The following ST6GAL1 variants were observed in gnomAD, a reference collection of about 807,000 sequenced individuals.
ST6GAL1 encodes ST6 beta-galactoside alpha-2,6-sialyltransferase 1.
ST6GAL1 carries 20 observed loss-of-function variants against 38.0 expected under a neutral mutation model. The ratio of observed to expected loss-of-function variants is 0.53; its 90% CI spans 0.37 to 0.77. The LOEUF (loss-of-function observed/expected upper bound fraction) is 0.77. ST6GAL1 is among the 30% of genes least tolerant of loss of function. ST6GAL1 has a pLI of 0.00. For missense variants in ST6GAL1, 432 were observed against 496.4 expected (o/e 0.87, Z 1.23); for synonymous variants, 196 against 188.2 (o/e 1.04, Z -0.34).
At chr3:187,072,657 C>T (rs115713389) in intron 5 of ST6GAL1, 192 bp from the exon 6 acceptor site, 17 of 594,940 alleles carry the variant, frequency 2.9e-5, no homozygotes, top group African/African-American at 2.4e-4. Flanking sequence ...TGATAAATGT[C>T]CTTTCAGGTC....
At chr3:186,995,215 A>G (rs1326817262) in intron 2 of ST6GAL1, among the ~76,000 whole-genome samples, 3 of 151,942 alleles carry the variant, frequency 2.0e-5, no homozygotes, top group Non-Finnish European at 4.4e-5. Context: ...GACCTTTAAG[A>G]TTGTTAAAAT....
rs1415459413 is a variant in ST6GAL1 at position 187,076,978 on chromosome 3, T to TTTG, written c.*1177_*1178insGTT. ...AAATCTTCTCCTAACCACCATCTGT[T>TTTG]TTTTTTTTTTAAAGCATTTTTTGCT... On this transcript the variant is annotated 3_prime_UTR_variant, in exon 8 of 8. Transcript: ENST00000169298. 2 of 396,896 alleles carry TTTG rather than the reference T, an allele frequency of 5.0e-6. No homozygotes were observed. Among genetic ancestry groups the TTTG allele is most frequent in the Admixed American group, 4.4e-5 (1 of 22,560 alleles). The allele number at this position is 396,896 out of a possible 1,614,324, so 24.6% of individuals were successfully genotyped here.
chr3:187,029,334 CTT>C (rs1717659992), intron 2 of ST6GAL1, among the ~76,000 whole-genome samples: 1 of 151,926 alleles, frequency 6.6e-6, no homozygotes, highest in African/African-American at 2.4e-5. Context: ...TCTAGAACAA[CTT>C]TCTTAAGTAA....
At chr3:187,069,895 T>C (rs1719302917) in intron 5 of ST6GAL1, among the ~76,000 whole-genome samples, 1 of 152,210 alleles carries the variant, frequency 6.6e-6, no homozygotes, top group African/African-American at 2.4e-5. Flanking sequence ...TGCATTTCTC[T>C]CTCATGCAAA....
At chr3:187,073,554 T>G (rs368620142) in intron 6 of ST6GAL1, 1 of 155,602 alleles carries the variant, frequency 6.4e-6, no homozygotes, top group African/African-American at 2.4e-5. Context: ...GGAATAGTCC[T>G]CTCACTGTTA....
At chr3:186,984,439 G>A (rs902984688) in intron 2 of ST6GAL1, among the ~76,000 whole-genome samples, 2 of 152,088 alleles carry the variant, frequency 1.3e-5, no homozygotes, top group Non-Finnish European at 2.9e-5. Context: ...GCCCTGCCCA[G>A]ACTCCTCCAC....
chr3:186,941,421 T>G (rs1172013553), intron 1 of ST6GAL1, among the ~76,000 whole-genome samples: 2 of 152,140 alleles, frequency 1.3e-5, no homozygotes, highest in East Asian at 3.8e-4. Flanking sequence ...AATTGGCTAC[T>G]TGGATGACAG....
chr3:186,978,431 C>T (rs576480345), intron 2 of ST6GAL1, among the ~76,000 whole-genome samples: 3 of 152,268 alleles, frequency 2.0e-5, no homozygotes, highest in South Asian at 2.1e-4. Context: ...TCTCTCTCCA[C>T]GTTACTCTGT....
In ST6GAL1 at chr3:187,078,449, A is replaced by G. The variant is rs1385365028; in HGVS notation, c.*2646A>G. 2 of 152,202 alleles carry G rather than the reference A, an allele frequency of 1.3e-5. No homozygotes were observed. Among genetic ancestry groups the G allele is most frequent in the African/African-American group, 2.4e-5 (1 of 41,440 alleles). The allele number at this position is 152,202 out of a possible 1,614,324, so 9.4% of individuals were successfully genotyped here. A position where few individuals can be genotyped will look rare whatever the true frequency, so the allele number is the denominator to read the frequency against. On this transcript the variant is annotated 3_prime_UTR_variant, in exon 8 of 8. Transcript: ENST00000169298. The stretch of plus-strand genomic sequence containing the variant: ...TCCACCAATCAAATAAGCTATTGCT[A>G]TTGGTTTGGAGTTGAGATATCAGTC...
intron 2 of ST6GAL1, among the ~76,000 whole-genome samples, chr3:187,014,279 G>C (rs530378704): frequency 1.3e-5 from 2 of 152,362 alleles, no homozygotes; most frequent in Non-Finnish European, 2.9e-5. Flanking sequence ...CTGACTCCAA[G>C]TCTTGGTGCA....
chr3:187,048,803 G>T (rs1718399332), intron 4 of ST6GAL1, among the ~76,000 whole-genome samples: 1 of 150,978 alleles, frequency 6.6e-6, no homozygotes, highest in African/African-American at 2.4e-5. Context: ...TAAGCCTTCT[G>T]TGCTGGATGT....
chr3:187,043,037 A>G lies in ST6GAL1; in HGVS notation c.334A>G (p.Ile112Val). The G allele has an allele frequency of 1.2e-6, 2 of 1,614,190 alleles. No homozygotes were observed. Among genetic ancestry groups the G allele is most frequent in the Non-Finnish European group, 1.7e-6 (2 of 1,180,032 alleles). Residue 112 changes from isoleucine to valine, a missense_variant, in exon 4 of 8, where the codon ATC (isoleucine) becomes GTC (valine). By Grantham distance (29) the Ile-to-Val change is conservative. Coordinates refer to ENST00000169298, the MANE Select transcript of ST6GAL1 (RefSeq NM_173216.2). ...AAACCTTATCCCTAGGCTGCAAAAG[A>G]TCTGGAAGAATTACCTAAGCATGAA... ...SKNLIPRLQK[I>V]WKNYLSMNKY...
intron 1 of ST6GAL1, among the ~76,000 whole-genome samples, chr3:186,935,201 T>A (rs952278364): frequency 3.3e-5 from 5 of 152,120 alleles, no homozygotes; most frequent in African/African-American, 1.2e-4. Flanking sequence ...TCGTTTCCCC[T>A]CTTTGTGTCC....
At chr3:187,066,601 CGT>C (rs3055152) in intron 5 of ST6GAL1, among the ~76,000 whole-genome samples, 11,300 of 148,702 alleles carry the variant, frequency 0.076, 540 homozygotes, top group African/African-American at 0.14. Context: ...TGCGTGCGTG[CGT>C]GTGTGTGTGT....
chr3:187,021,411 T>A (rs1319297805), intron 2 of ST6GAL1, among the ~76,000 whole-genome samples: 1 of 152,008 alleles, frequency 6.6e-6, no homozygotes, highest in African/African-American at 2.4e-5. Flanking sequence ...CAAGGCAAGG[T>A]TTTTATGTTT....
intron 2 of ST6GAL1, among the ~76,000 whole-genome samples, chr3:186,995,534 A>T (rs760550180): frequency 0.09 from 13,421 of 149,248 alleles, 1,088 homozygotes; most frequent in African/African-American, 0.17. Context: ...AAATAAAAAA[A>T]AAATAAAGAA....
chr3:186,972,496 C>T lies in ST6GAL1; in HGVS notation c.-183+8570C>T, dbSNP rs7643698. Among the ~76,000 whole-genome samples, 925 of 152,080 alleles carry T rather than the reference C, an allele frequency of 6.1e-3. 9 individuals are homozygous for T. Among genetic ancestry groups the T allele is most frequent in the African/African-American group, 0.021 (863 of 41,472 alleles). ...AACTCCTGACCTCCTGTGATCTGCC[C>T]GCCCCGGCCTCCCAAAGTGTTGGGA... On this transcript the variant is annotated intron_variant, in intron 2 of 7. Transcript: ENST00000169298.
rs4487233 is a variant in ST6GAL1 at position 187,001,905 on chromosome 3, G to A, written c.-182-36837G>A. Among the ~76,000 whole-genome samples, 1,101 of 149,434 alleles carry A rather than the reference G, an allele frequency of 7.4e-3. 16 individuals are homozygous for A. The highest frequency in any genetic ancestry group is 0.026 in the African/African-American group (1,045 of 40,530). On this transcript the variant is annotated intron_variant, in intron 2 of 7. Coordinates refer to ENST00000169298, the MANE Select transcript of ST6GAL1 (RefSeq NM_173216.2). ...CGGGAGGCGGAGGTTGCAGTGAGCCGAGATCACGCCACTGCACTCCAGCCT... is the reference window on the plus strand; with the variant it reads ...CGGGAGGCGGAGGTTGCAGTGAGCCAAGATCACGCCACTGCACTCCAGCCT...
At position 186,952,305 on chromosome 3, in the gene ST6GAL1, C is replaced by T. The variant is rs1486151858; in HGVS notation, c.-324-11480C>T. Among the ~76,000 whole-genome samples, 2 of 152,114 alleles carry T rather than the reference C, an allele frequency of 1.3e-5. No individual in the cohort carries two copies. Among genetic ancestry groups the T allele is most frequent in the Non-Finnish European group, 2.9e-5 (2 of 68,030 alleles). ...CATACCGGTCAGGCTCACCAGTATC[C>T]TCTCTTGCCAAATCCAGTGGTCAGA... is the stretch of plus-strand genomic sequence containing the variant. On this transcript the variant is annotated intron_variant, in intron 1 of 7. Transcript: ENST00000169298. The surrounding 1 kb of genome is among the most constrained non-coding windows in gnomAD (Gnocchi z 4.1).
Sources: allele counts gnomAD v4.1 joint callset (sites outside exome capture counted in the v4.1 genomes callset), GRCh38; gene constraint gnomAD v4.1.1; non-coding constraint Gnocchi (gnomAD v3.1); transcripts MANE v1.5; gene names NCBI Gene and HGNC (gene_info 2026-07-23, HGNC 2026-07-21).